Variants in SATB2 observed in about 807,000 individuals in gnomAD.
SATB2 encodes SATB homeobox 2, also known as DNA-binding protein SATB2.
In SATB2, 1 loss-of-function variant was observed where a neutral mutation model predicts 73.4. That is an observed-to-expected ratio of 0.01 (90% CI 0.00 to 0.06). The LOEUF is 0.06. Among genes scored for constraint, SATB2 ranks in the 10% least tolerant of loss-of-function variants. The pLI is 1.00. For synonymous variants in SATB2, 397 were observed against 367.0 expected, an observed-to-expected ratio of 1.08 and a Z score of -0.93; for missense variants, 459 against 945.8, an observed-to-expected ratio of 0.49 and a Z score of 6.75.
At chr2:199,454,603 C>T (rs1249671223) in intron 2 of SATB2, among the ~76,000 whole-genome samples, 3 of 152,076 alleles carry the variant, frequency 2.0e-5, no homozygotes, top group African/African-American at 7.2e-5. Flanking sequence ...GAATCCATCA[C>T]CAAACTTTTT....
At chr2:199,287,187 C>G (rs1692715163) in intron 10 of SATB2, among the ~76,000 whole-genome samples, 2 of 152,164 alleles carry the variant, frequency 1.3e-5, no homozygotes, top group Admixed American at 1.3e-4. Flanking sequence ...ATAACTTCAT[C>G]AATGCCAGTG....
At chr2:199,366,909 CACACACACACACAA>C (rs1021318080) in intron 6 of SATB2, among the ~76,000 whole-genome samples, 2 of 151,500 alleles carry the variant, frequency 1.3e-5, no homozygotes, top group Non-Finnish European at 2.9e-5. Context: ...AATGCACACA[CACACACACACACAA>C]ACACACACAC....
chr2:199,346,858 CTTTTTTTTTTTTT>C (rs540374842), intron 7 of SATB2: 2 of 88,458 alleles, frequency 2.3e-5, no homozygotes, highest in East Asian at 3.1e-4. Flanking sequence ...TTTCACTTAA[CTTTTTTTTTTTTT>C]TTTTTTTTTT....
At position 199,308,801 on chromosome 2, in the gene SATB2, G is replaced by A. The variant is rs777257792; in HGVS notation, c.1699C>T (p.Arg567Cys). 1 of 1,614,084 alleles carries A rather than the reference G, an allele frequency of 6.2e-7. No individual in the cohort carries two copies. The highest frequency in any genetic ancestry group is 8.5e-7 in the Non-Finnish European group (1 of 1,179,992). The change falls in exon 10 of 11, where the codon CGC (arginine) becomes TGC (cysteine). Residue 567 changes from arginine (R) to cysteine (C), a missense_variant. Physicochemically the swap from Arg to Cys is radical, Grantham distance 180. Transcript: ENST00000417098. This position sits in a 1 kb window ranked among gnomAD's most constrained non-coding sequence, Gnocchi z 4.6. ...EEESRHHHSE[R>C]MQHVVQLPPE... ...GGAAGCTGGACCACGTGTTGCATGC[G>A]TTCGCTGTGGTGATGCCTTGACTCC...
intron 5 of SATB2, among the ~76,000 whole-genome samples, chr2:199,370,567 A>G (rs1689413840): frequency 1.3e-5 from 2 of 152,126 alleles, no homozygotes; most frequent in Non-Finnish European, 2.9e-5. Flanking sequence ...AAAGTTAACT[A>G]AAACGAACAG....
intron 3 of SATB2, among the ~76,000 whole-genome samples, chr2:199,398,282 C>T (rs1234789242): frequency 1.3e-5 from 2 of 152,152 alleles, no homozygotes; most frequent in African/African-American, 4.8e-5. Flanking sequence ...CACTGGTAAC[C>T]TTGGAGAAAA....
Position 199,368,682 on chromosome 2 carries a change from C to T in SATB2, c.623G>A (p.Ser208Asn). The T allele has an allele frequency of 6.2e-7, 1 of 1,605,356 alleles. No individual in the cohort carries two copies. Among genetic ancestry groups the T allele is most frequent in the Non-Finnish European group, 8.5e-7 (1 of 1,172,642 alleles). ...SQSMISSIVN[S>N]TYYANVSATK... ...TGCTGACACATTGGCATAATATGTGCTATTTACAATGGATGAAATCATACT... is the reference window on the plus strand; with the variant it reads ...TGCTGACACATTGGCATAATATGTGTTATTTACAATGGATGAAATCATACT... The change falls in exon 6 of 11, where the codon AGC becomes AAC. Residue 208 changes from serine to asparagine, a missense_variant. Coordinates refer to ENST00000417098, the MANE Select transcript of SATB2 (RefSeq NM_001172509.2).
intron 3 of SATB2, among the ~76,000 whole-genome samples, chr2:199,389,233 C>CT (rs1020632444): frequency 3.3e-5 from 5 of 152,020 alleles, no homozygotes; most frequent in Non-Finnish European, 5.9e-5. Flanking sequence ...ACATATTTTC[C>CT]TTTTTAATGC....
rs72202602 is a variant in SATB2, at chr2:199,355,348, CTATATATATATATA to C, written c.701-6189_701-6176del. Among the ~76,000 whole-genome samples the C allele has an allele frequency of 1.3e-4, 18 of 134,176 alleles. 1 individual carries two copies. The highest frequency in any genetic ancestry group is 6.0e-4 in the Admixed American group (8 of 13,444). The allele number at this position is 134,176 out of a possible 152,430, so 88.0% of individuals were successfully genotyped here. The stretch of plus-strand genomic sequence containing the variant: ...TATGTGTGTGTGTGTGTGTGTGTAT[CTATATATATATATA>C]TATATATATATATAGTCTTTCACTC... On this transcript the variant is annotated intron_variant, in intron 6 of 10. Coordinates refer to ENST00000417098, the MANE Select transcript of SATB2 (RefSeq NM_001172509.2).
At chr2:199,452,679 C>T (rs1272466446) in intron 2 of SATB2, among the ~76,000 whole-genome samples, 1 of 152,088 alleles carries the variant, frequency 6.6e-6, no homozygotes, top group Non-Finnish European at 1.5e-5. Flanking sequence ...GAATGTTACC[C>T]AGCAGGGATA....
At chr2:199,376,008 C>T (rs957128625) in intron 5 of SATB2, among the ~76,000 whole-genome samples, 1 of 152,160 alleles carries the variant, frequency 6.6e-6, no homozygotes, top group Non-Finnish European at 1.5e-5. Context: ...CAACTACCAA[C>T]AAAATAGGCG....
chr2:199,353,139 C>T (rs576322472), intron 6 of SATB2, among the ~76,000 whole-genome samples: 110 of 136,840 alleles, frequency 8.0e-4, no homozygotes, highest in African/African-American at 2.6e-3. Flanking sequence ...CATTTACACA[C>T]GTTTTTGTCT....
intron 2 of SATB2, among the ~76,000 whole-genome samples, chr2:199,440,919 C>T (rs908670535): frequency 6.6e-6 from 1 of 151,130 alleles, no homozygotes; most frequent in African/African-American, 2.4e-5. Context: ...GGTGCAATCT[C>T]GACTCACTGC....
At chr2:199,358,675 G>A (rs1352696563) in intron 6 of SATB2, among the ~76,000 whole-genome samples, 1 of 152,076 alleles carries the variant, frequency 6.6e-6, no homozygotes, top group Non-Finnish European at 1.5e-5. Flanking sequence ...AATACCATAT[G>A]ACTGGTTTTC....
intron 10 of SATB2, among the ~76,000 whole-genome samples, chr2:199,282,129 C>T (rs1200836259): frequency 6.6e-6 from 1 of 152,116 alleles, no homozygotes; most frequent in Admixed American, 6.6e-5. Flanking sequence ...GATCCGCCCA[C>T]CTTGGCCTCC....
chr2:199,318,986 T>C (rs1455149882), intron 9 of SATB2, among the ~76,000 whole-genome samples: 2 of 151,914 alleles, frequency 1.3e-5, no homozygotes, highest in African/African-American at 2.4e-5. Flanking sequence ...TGTTAAGTAG[T>C]TGAGAACTTG....
At position 199,272,145 on chromosome 2, in the gene SATB2, C is replaced by A. The variant is rs1355109488; in HGVS notation, c.*66G>T. 1 of 1,507,512 alleles carries A rather than the reference C, an allele frequency of 6.6e-7. No individual in the cohort carries two copies. Among genetic ancestry groups the A allele is most frequent in the African/African-American group, 1.4e-5 (1 of 72,780 alleles). The allele number at this position is 1,507,512 out of a possible 1,614,324, so 93.4% of individuals were successfully genotyped here. On this transcript the variant is annotated 3_prime_UTR_variant, in exon 11 of 11. Coordinates refer to ENST00000417098, the MANE Select transcript of SATB2 (RefSeq NM_001172509.2). This position sits in a 1 kb window ranked among gnomAD's most constrained non-coding sequence, Gnocchi z 6.7. ...AAACAAAAAACAAACTAACAAAAAA[C>A]TTTTAAAGAAATGAAAGCAGAAAAT...
chr2:199,373,345 A>T (rs536551808), intron 5 of SATB2, among the ~76,000 whole-genome samples: 1 of 152,288 alleles, frequency 6.6e-6, no homozygotes, highest in African/African-American at 2.4e-5. Context: ...GTAATGGGAA[A>T]AAAACTGATT....
At chr2:199,368,874 C>T in intron 5 of SATB2, 167 bp from the exon 6 acceptor site, 1 of 551,574 alleles carries the variant, frequency 1.8e-6, no homozygotes, top group East Asian at 3.1e-5. Context: ...CTGAATTTAC[C>T]ATCCCTTTAA....
Sources: gnomAD v4.1 joint callset for allele counts (sites outside exome capture counted in the v4.1 genomes callset) on GRCh38, gnomAD v4.1.1 for gene constraint, Gnocchi (gnomAD v3.1) non-coding constraint, MANE v1.5 for transcripts, NCBI Gene and HGNC (gene_info 2026-07-23, HGNC 2026-07-21) for gene names.